TET1: variants seen among roughly 807,000 people sequenced by gnomAD.
The protein encoded by TET1 is tet methylcytosine dioxygenase 1.
Under a neutral mutation model 148.7 loss-of-function variants are expected in TET1, and 13 were observed. That is an observed-to-expected ratio of 0.09 (90% CI 0.06 to 0.14). The LOEUF is 0.14. TET1 is among the 10% of genes least tolerant of loss of function. The probability of loss-of-function intolerance (pLI) is 1.00; values close to 1 mark genes in which losing one functional copy is unlikely to be tolerated. For synonymous variants in TET1, 907 were observed against 937.2 expected (o/e 0.97, Z 0.59); for missense variants, 2,182 against 2,553.8 (o/e 0.85, Z 3.14).
intron 2 of TET1, among the ~76,000 whole-genome samples, chr10:68,578,536 C>T (rs1044896509): frequency 2.6e-5 from 4 of 151,980 alleles, no homozygotes; most frequent in Non-Finnish European, 1.5e-5. Flanking sequence ...GCGATTACTG[C>T]GCGTGGCTGA....
At chr10:68,683,296 T>C (rs2055461716) in intron 10 of TET1, among the ~76,000 whole-genome samples, 1 of 152,188 alleles carries the variant, frequency 6.6e-6, no homozygotes, top group African/African-American at 2.4e-5. Flanking sequence ...ATTTATTTTT[T>C]GAGACGGAGT....
rs533248333 is a variant in TET1, at chr10:68,570,715, C to T, written c.-122-1502C>T. On this transcript the variant is annotated intron_variant, in intron 1 of 11. Coordinates refer to ENST00000373644, the MANE Select transcript of TET1 (RefSeq NM_030625.3). ...CGTGATCTTGGCTCACTTCAAGCTC[C>T]GCCTCCCGGGTTCACGCCATTCTCC... Among the ~76,000 whole-genome samples the T allele has an allele frequency of 2.0e-3, 303 of 151,188 alleles. 6 individuals carry two copies. The highest frequency in any genetic ancestry group is 7.0e-3 in the African/African-American group (289 of 41,126).
chr10:68,566,487 CTT>C (rs201703777), intron 1 of TET1, among the ~76,000 whole-genome samples: 6 of 144,248 alleles, frequency 4.2e-5, no homozygotes, highest in African/African-American at 5.1e-5. Context: ...CAAGCCAAAA[CTT>C]TTTTTTTTTT....
intron 10 of TET1, among the ~76,000 whole-genome samples, chr10:68,683,601 A>AC (rs2055468466): frequency 6.7e-6 from 1 of 150,304 alleles, no homozygotes; most frequent in African/African-American, 2.5e-5. Flanking sequence ...TTTAGTAGAG[A>AC]TGGGGTTTCA....
At chr10:68,563,794 G>A (rs1335547881) in intron 1 of TET1, among the ~76,000 whole-genome samples, 1 of 152,150 alleles carries the variant, frequency 6.6e-6, no homozygotes, top group Non-Finnish European at 1.5e-5. Flanking sequence ...CAGTTCTCCT[G>A]CCTCAGCCTC....
Position 68,693,545 on chromosome 10 carries a change from A to C in TET1, c.*1731A>C, listed in dbSNP as rs2055619517. ...TAAAGGAATATGAAGGGATTGTAAA[A>C]AACAAAATGTCCATTGATAGACCAT... On this transcript the variant is annotated 3_prime_UTR_variant, in exon 12 of 12. Transcript: ENST00000373644. The C allele has an allele frequency of 4.3e-6, 1 of 233,134 alleles. No homozygotes were observed. 14.4% of individuals were successfully genotyped at this position (233,134 alleles called of 1,614,324 possible).
At chr10:68,672,392 G>A (rs904830624) in intron 7 of TET1, among the ~76,000 whole-genome samples, 4 of 141,968 alleles carry the variant, frequency 2.8e-5, no homozygotes, top group African/African-American at 7.8e-5. Context: ...GGAGGCTGAA[G>A]CAGCAGAATC....
Position 68,572,521 on chromosome 10 carries a change from A to C in TET1, c.183A>C (p.Lys61Asn). 6.2e-7 allele frequency: 1 copy of C among 1,613,568 alleles called. No homozygotes were observed. The highest frequency in any genetic ancestry group is 8.5e-7 in the Non-Finnish European group (1 of 1,179,940). Reference sequence around the variant, plus strand: ...TTCAAGAAAGAGATGTTAAGAAAAAAACAGAACCTAAACCACCCGTGCCAG... The same window carrying C: ...TTCAAGAAAGAGATGTTAAGAAAAACACAGAACCTAAACCACCCGTGCCAG... Reference protein sequence around the residue: ...QLIQERDVKKKTEPKPPVPVR... With the variant: ...QLIQERDVKKNTEPKPPVPVR... The change falls in exon 2 of 12, where the codon AAA becomes AAC. Residue 61 changes from lysine (K) to asparagine (N), a missense_variant. Coordinates refer to ENST00000373644, the MANE Select transcript of TET1 (RefSeq NM_030625.3).
At chr10:68,578,777 G>C (rs961590717) in intron 2 of TET1, among the ~76,000 whole-genome samples, 3 of 152,066 alleles carry the variant, frequency 2.0e-5, no homozygotes, top group Admixed American at 6.6e-5. Context: ...GAATAGTGTT[G>C]CTAATTGCCA....
At chr10:68,679,198 A>G (rs1339518544) in intron 8 of TET1, among the ~76,000 whole-genome samples, 1 of 152,156 alleles carries the variant, frequency 6.6e-6, no homozygotes, top group African/African-American at 2.4e-5. Context: ...ATAAAAGATG[A>G]AAAATAATAA....
intron 2 of TET1, among the ~76,000 whole-genome samples, chr10:68,596,815 A>G (rs755196853): frequency 2.0e-5 from 3 of 152,034 alleles, no homozygotes; most frequent in Non-Finnish European, 4.4e-5. Flanking sequence ...TTATTATCCA[A>G]TTTTACAGAA....
intron 3 of TET1, among the ~76,000 whole-genome samples, chr10:68,615,058 C>G (rs1589078077): frequency 1.3e-5 from 2 of 151,754 alleles, no homozygotes; most frequent in African/African-American, 2.4e-5. Flanking sequence ...CCTCAGCCTC[C>G]TGAATAGCTG....
At chr10:68,674,835 G>A (rs895111711) in intron 8 of TET1, 80 of 460,732 alleles carry the variant, frequency 1.7e-4, no homozygotes, top group Non-Finnish European at 3.0e-4. Context: ...ATCATGACCC[G>A]AGAGGTGCAG....
At position 68,572,304 on chromosome 10, in the gene TET1, T is replaced by C. The variant is rs769226187; in HGVS notation, c.-35T>C. Reference sequence around the variant, plus strand: ...TTTCCAAAGGACCAATGACTCTGTTTCCTGCGCCCTTTCATTTTTTCCTAC... The same window carrying C: ...TTTCCAAAGGACCAATGACTCTGTTCCCTGCGCCCTTTCATTTTTTCCTAC... On this transcript the variant is annotated 5_prime_UTR_variant, in exon 2 of 12. Coordinates refer to ENST00000373644, the MANE Select transcript of TET1 (RefSeq NM_030625.3). 2.6e-6 allele frequency: 4 copies of C among 1,535,468 alleles called. No homozygotes were observed. The highest frequency in any genetic ancestry group is 3.5e-6 in the Non-Finnish European group (4 of 1,142,100).
chr10:68,597,030 A>ATTT lies in TET1; in HGVS notation c.1915-3932_1915-3930dup, dbSNP rs553591899. On this transcript the variant is annotated intron_variant, in intron 2 of 11. Transcript: ENST00000373644. ...ATTTTCATGATCACACAGCTAATGG[A>ATTT]TTTTTTTTTTTTTTTTTTTTTGAGA... Among the ~76,000 whole-genome samples the ATTT allele has an allele frequency of 2.0e-3, 200 of 98,846 alleles. 8 individuals carry two copies. The highest frequency in any genetic ancestry group is 0.017 in the Admixed American group (155 of 8,970). 64.8% of individuals were successfully genotyped at this position (98,846 alleles called of 152,430 possible). A position where few individuals can be genotyped will look rare whatever the true frequency, so the allele number is the denominator to read the frequency against.
At position 68,691,611 on chromosome 10, in the gene TET1, G is replaced by A. The variant is rs1421273906; in HGVS notation, c.6208G>A (p.Ala2070Thr). The change falls in exon 12 of 12, where the codon GCT becomes ACT. Residue 2070 changes from alanine to threonine, a missense_variant. By Grantham distance (58) the Ala-to-Thr change is moderately conservative. Around this residue, in one of 11 missense-constraint regions of TET1, gnomAD observed 54 missense variants for 44.4 expected, o/e 1.22. Transcript: ENST00000373644. This position sits in a 1 kb window ranked among gnomAD's most constrained non-coding sequence, Gnocchi z 4.4. ...TGAACTAAACAAGATTAAGTTTGAG[G>A]CTAAAGAAGCTAAGAATAAGAAAAT... ...GFELNKIKFEAKEAKNKKMKA... is the reference protein window; with the variant it reads ...GFELNKIKFETKEAKNKKMKA... 19 of 1,614,052 alleles carry A rather than the reference G, an allele frequency of 1.2e-5. No homozygotes were observed. Among genetic ancestry groups the A allele is most frequent in the Non-Finnish European group, 1.6e-5 (19 of 1,180,050 alleles).
In TET1 at chr10:68,572,923, A is replaced by T; in HGVS notation, c.585A>T (p.Arg195Ser). 1 of 1,614,112 alleles carries T rather than the reference A, an allele frequency of 6.2e-7. No individual in the cohort carries two copies. Among genetic ancestry groups the T allele is most frequent in the South Asian group, 1.1e-5 (1 of 91,068 alleles). Residue 195 changes from arginine (R) to serine (S), a missense_variant, in exon 2 of 12, where the codon AGA (arginine) becomes AGT (serine). This residue lies in a region of TET1 where 665 missense variants were observed against 672.4 expected (regional missense o/e 0.99). Coordinates refer to ENST00000373644, the MANE Select transcript of TET1 (RefSeq NM_030625.3). ...AGACAACTCAGTTTTGGTCCCAAAG[A>T]GTTGAGGATTCCAAGATCAATATCC... ...SQETTQFWSQ[R>S]VEDSKINIPT... is the part of the protein sequence containing the mutation.
At chr10:68,666,249 A>AT (rs11450361) in intron 6 of TET1, among the ~76,000 whole-genome samples, 117,551 of 152,010 alleles carry the variant, frequency 0.77, 45,888 homozygotes, top group East Asian at 0.84. Context: ...TAATTTTTCT[A>AT]TTTTGCATTC....
intron 2 of TET1, among the ~76,000 whole-genome samples, chr10:68,589,410 G>C (rs572987988): frequency 2.0e-5 from 3 of 152,208 alleles, no homozygotes; most frequent in Admixed American, 6.5e-5. Context: ...CCCAATACTA[G>C]TAGCAAACTT....
Sources: gnomAD v4.1 joint callset for allele counts (sites outside exome capture counted in the v4.1 genomes callset) on GRCh38, gnomAD v4.1.1 for gene constraint, gnomAD v4.1.1 regional missense constraint, Gnocchi (gnomAD v3.1) non-coding constraint, MANE v1.5 for transcripts, NCBI Gene and HGNC (gene_info 2026-07-23, HGNC 2026-07-21) for gene names.